Variants in NRG3 observed in about 807,000 individuals in gnomAD.
The protein encoded by NRG3 is pro-neuregulin-3, membrane-bound isoform.
NRG3 carries 31 observed loss-of-function variants against 66.9 expected under a neutral mutation model. The observed-to-expected ratio is 0.46, with a 90% CI of 0.35 to 0.63. The LOEUF is 0.63. NRG3 is among the 20% of genes least tolerant of loss of function. The probability of loss-of-function intolerance (pLI) is 0.00; values close to 1 mark genes in which losing one functional copy is unlikely to be tolerated. For missense variants in NRG3, 910 were observed against 878.9 expected, an observed-to-expected ratio of 1.04 and a Z score of -0.45; for synonymous variants, 393 against 359.4, an observed-to-expected ratio of 1.09 and a Z score of -1.06.
In NRG3 at chr10:81,999,791, A is replaced by G. The variant is rs573275114; in HGVS notation, c.823+123628A>G. Reference sequence around the variant, plus strand: ...CTTCATTTACGTCTTCAATATATGTATATTGTTAATTTATTATCTCTAAGT... The same window carrying G: ...CTTCATTTACGTCTTCAATATATGTGTATTGTTAATTTATTATCTCTAAGT... On this transcript the variant is annotated intron_variant, in intron 1 of 8. Transcript: ENST00000372141. Among the ~76,000 whole-genome samples, 10 of 152,270 alleles carry G rather than the reference A, an allele frequency of 6.6e-5. No homozygotes were observed. The East Asian group carries it at 1.7e-3, about 26-fold the overall frequency.
chr10:82,531,910 C>T (rs924211087), intron 2 of NRG3, among the ~76,000 whole-genome samples: 22 of 151,826 alleles, frequency 1.4e-4, no homozygotes, highest in African/African-American at 5.1e-4. Flanking sequence ...GCTTATTCTT[C>T]TTGCTTATTG....
intron 1 of NRG3, among the ~76,000 whole-genome samples, chr10:82,017,499 C>G (rs2061840283): frequency 6.6e-6 from 1 of 151,982 alleles, no homozygotes. Context: ...TTCTAGATCC[C>G]TGAGGAATCA....
chr10:82,149,121 A>G (rs1268763741), intron 1 of NRG3, among the ~76,000 whole-genome samples: 1 of 152,110 alleles, frequency 6.6e-6, no homozygotes, highest in Non-Finnish European at 1.5e-5. Flanking sequence ...TGAATTATAA[A>G]AAATAATTCA....
intron 1 of NRG3, among the ~76,000 whole-genome samples, chr10:81,939,060 T>C (rs1848169327): frequency 1.3e-5 from 2 of 152,040 alleles, no homozygotes. Flanking sequence ...GCATATCCCA[T>C]TGATTGATTT....
At chr10:81,987,011 T>C (rs956125410) in intron 1 of NRG3, among the ~76,000 whole-genome samples, 3 of 152,130 alleles carry the variant, frequency 2.0e-5, no homozygotes, top group Admixed American at 2.0e-4. Flanking sequence ...TCATTGTGTG[T>C]TTAAAAAAAT....
At chr10:82,712,793 A>G (rs1019417589) in intron 2 of NRG3, among the ~76,000 whole-genome samples, 5 of 152,128 alleles carry the variant, frequency 3.3e-5, no homozygotes, top group Admixed American at 1.3e-4. Flanking sequence ...AATATTACTG[A>G]TGTGTCTGAG....
At chr10:82,399,765 A>G (rs1252571154) in intron 2 of NRG3, among the ~76,000 whole-genome samples, 2 of 152,246 alleles carry the variant, frequency 1.3e-5, no homozygotes, top group African/African-American at 2.4e-5. Context: ...TATGCAATCT[A>G]TAACAGCAAG....
intron 5 of NRG3, among the ~76,000 whole-genome samples, chr10:82,958,126 C>G (rs1208993211): frequency 3.3e-5 from 5 of 152,180 alleles, no homozygotes; most frequent in Non-Finnish European, 7.3e-5. Context: ...CCTTTTCACT[C>G]AGAAGCGGTG....
intron 3 of NRG3, among the ~76,000 whole-genome samples, chr10:82,761,358 G>A (rs75758066): frequency 0.048 from 7,282 of 151,978 alleles, 597 homozygotes; most frequent in African/African-American, 0.17. Flanking sequence ...ACCATTTGTA[G>A]CCATAGTGCA....
chr10:82,561,523 G>C (rs1054185650), intron 2 of NRG3, among the ~76,000 whole-genome samples: 1 of 152,112 alleles, frequency 6.6e-6, no homozygotes, highest in African/African-American at 2.4e-5. Flanking sequence ...CATTGTGGTA[G>C]ACACCTGTGG....
intron 2 of NRG3, among the ~76,000 whole-genome samples, chr10:82,360,001 A>G (rs946170788): frequency 2.6e-5 from 4 of 152,194 alleles, no homozygotes; most frequent in Admixed American, 6.5e-5. Flanking sequence ...TACGTGATAT[A>G]GTAGGAGGGC....
chr10:82,220,733 T>C (rs1446388193), intron 1 of NRG3, among the ~76,000 whole-genome samples: 1 of 152,190 alleles, frequency 6.6e-6, no homozygotes, highest in Non-Finnish European at 1.5e-5. Flanking sequence ...ATTACAGTTA[T>C]AGCTGAGCAT....
intron 1 of NRG3, among the ~76,000 whole-genome samples, chr10:82,035,634 G>T (rs1214743975): frequency 6.6e-6 from 1 of 152,056 alleles, no homozygotes; most frequent in East Asian, 1.9e-4. Flanking sequence ...TTACTGGAAA[G>T]ATATTTCTCA....
intron 3 of NRG3, among the ~76,000 whole-genome samples, chr10:82,856,893 G>T (rs2063840293): frequency 6.6e-6 from 1 of 152,106 alleles, no homozygotes; most frequent in South Asian, 2.1e-4. Flanking sequence ...GAACTCTAGT[G>T]TATTCACCTG....
intron 1 of NRG3, among the ~76,000 whole-genome samples, chr10:82,268,178 G>A (rs1250280136): frequency 6.6e-6 from 1 of 152,132 alleles, no homozygotes; most frequent in Non-Finnish European, 1.5e-5. Context: ...AGCCCTCATT[G>A]AATCTCTGTA....
chr10:82,330,788 G>A (rs1273581614), intron 1 of NRG3, among the ~76,000 whole-genome samples: 2 of 152,092 alleles, frequency 1.3e-5, no homozygotes, highest in Non-Finnish European at 2.9e-5. Context: ...AATATACACT[G>A]AGGTTCTTAG....
At chr10:82,870,417 A>T (rs1841229752) in intron 4 of NRG3, among the ~76,000 whole-genome samples, 1 of 152,186 alleles carries the variant, frequency 6.6e-6, no homozygotes, top group African/African-American at 2.4e-5. Context: ...TTTTGTATAG[A>T]AATAAATTTT....
intron 4 of NRG3, among the ~76,000 whole-genome samples, chr10:82,918,547 T>C (rs580293): frequency 0.11 from 16,352 of 152,184 alleles, 977 homozygotes; most frequent in Middle Eastern, 0.17. Flanking sequence ...TGGAGTTGCT[T>C]GGCACTGGCA....
At chr10:82,090,719 A>T (rs2065978819) in intron 1 of NRG3, among the ~76,000 whole-genome samples, 1 of 149,548 alleles carries the variant, frequency 6.7e-6, no homozygotes, top group South Asian at 2.2e-4. Flanking sequence ...CAATAATGTT[A>T]ATGGGGGCAA....
Sources: allele counts gnomAD v4.1 joint callset (sites outside exome capture counted in the v4.1 genomes callset), GRCh38; gene constraint gnomAD v4.1.1; transcripts MANE v1.5; gene names NCBI Gene and HGNC (gene_info 2026-07-23, HGNC 2026-07-21).